Variants in NFATC1 observed in about 807,000 individuals in gnomAD.
The protein encoded by NFATC1 is nuclear factor of activated T-cells, cytoplasmic 1.
NFATC1 carries 22 observed loss-of-function variants against 76.0 expected under a neutral mutation model. The observed-to-expected ratio is 0.29, with a 90% CI of 0.21 to 0.41. The LOEUF is 0.41. Among genes scored for constraint, NFATC1 ranks in the 10% least tolerant of loss-of-function variants. The pLI, the probability that NFATC1 is intolerant of heterozygous loss-of-function variation, is 1.00. For synonymous variants in NFATC1, 704 were observed against 613.1 expected (o/e 1.15, Z -2.19); for missense variants, 1,357 against 1,337.7 (o/e 1.01, Z -0.23).
intron 2 of NFATC1, among the ~76,000 whole-genome samples, chr18:79,430,256 C>G (rs986025986): frequency 1.3e-5 from 2 of 152,202 alleles, no homozygotes; most frequent in Admixed American, 1.3e-4. Context: ...TTTAACCAGA[C>G]CAGCGGTGGG....
chr18:79,411,931 G>C (rs1321993037), intron 2 of NFATC1, among the ~76,000 whole-genome samples: 1 of 152,176 alleles, frequency 6.6e-6, no homozygotes, highest in Non-Finnish European at 1.5e-5. Context: ...CACGTGCCTG[G>C]CCCCCCTCGG....
rs2085676261 is a variant in NFATC1 at position 79,411,433 on chromosome 18, C to T, written c.1158C>T (p.Tyr386=). The T allele has an allele frequency of 2.0e-6, 3 of 1,531,018 alleles. No individual in the cohort carries two copies. Among genetic ancestry groups the T allele is most frequent in the Non-Finnish European group, 2.6e-6 (3 of 1,142,606 alleles). The allele number at this position is 1,531,018 out of a possible 1,614,324, so 94.8% of individuals were successfully genotyped here. A position where few individuals can be genotyped will look rare whatever the true frequency, so the allele number is the denominator to read the frequency against. ...GGAAGGGCGGCTTCTGCGACCAGTA[C>T]CTGGCGGTGCCGCAGCACCCCTACC... The part of the protein sequence containing the change: ...HIRKGGFCDQ[Y]LAVPQHPYQW... The change falls in exon 2 of 10, where the codon TAC becomes TAT. Residue 386 remains tyrosine, a synonymous_variant. Transcript: ENST00000427363.
At chr18:79,501,130 T>C (rs1442230013) in intron 9 of NFATC1, among the ~76,000 whole-genome samples, 5 of 152,188 alleles carry the variant, frequency 3.3e-5, no homozygotes, top group African/African-American at 9.7e-5. Context: ...TTTTACACCA[T>C]GACCAAGTGG....
chr18:79,491,838 G>GC (rs2089688730), intron 9 of NFATC1, among the ~76,000 whole-genome samples: 1 of 152,088 alleles, frequency 6.6e-6, no homozygotes, highest in Non-Finnish European at 1.5e-5. Flanking sequence ...CTCAGCCCCG[G>GC]CCCCTGGGCA....
Position 79,486,353 on chromosome 18 carries a change from A to G in NFATC1, c.2198A>G (p.Gln733Arg). ...CTCCCAAGACCATACTACAGCCAGC[A>G]GCTCGCGATGCCACCCGACCCCAGC... is the stretch of plus-strand genomic sequence containing the variant. ...SPLPRPYYSQ[Q>R]LAMPPDPSSC... Residue 733 changes from glutamine to arginine, a missense_variant, in exon 9 of 10, where the codon CAG becomes CGG. Gln to Arg is a conservative substitution (Grantham distance 43). Around this residue, in one of 3 missense-constraint regions of NFATC1, gnomAD observed 424 missense variants for 395.4 expected, o/e 1.07. Transcript: ENST00000427363. The G allele has an allele frequency of 6.2e-7, 1 of 1,613,126 alleles. No individual in the cohort carries two copies.
In NFATC1 at chr18:79,427,393, T is replaced by G. The variant is rs7506907; in HGVS notation, c.1227-6186T>G. 7.1e-3 allele frequency among the ~76,000 whole-genome samples: 492 copies of G among 69,176 alleles called. 13 individuals carry two copies. Among genetic ancestry groups the G allele is most frequent in the Middle Eastern group, 0.014 (2 of 146 alleles). The allele number at this position is 69,176 out of a possible 152,430, so 45.4% of individuals were successfully genotyped here. On this transcript the variant is annotated intron_variant, in intron 2 of 9. Transcript: ENST00000427363. ...TACGGCTGGCCTCTGTGCAGTGGGT[T>G]GGGGGGAGCTGGATGGCTGGCCTCT...
intron 8 of NFATC1, among the ~76,000 whole-genome samples, chr18:79,472,447 T>C (rs1230643141): frequency 6.6e-6 from 1 of 152,170 alleles, no homozygotes; most frequent in Non-Finnish European, 1.5e-5. Flanking sequence ...TTCCCAGGGG[T>C]TTCCCATTCT....
At chr18:79,437,639 C>T (rs543254376) in intron 3 of NFATC1, among the ~76,000 whole-genome samples, 1 of 152,366 alleles carries the variant, frequency 6.6e-6, no homozygotes, top group East Asian at 1.9e-4. Context: ...TCCCAGCTCA[C>T]ACTGAGTGTC....
intron 2 of NFATC1, among the ~76,000 whole-genome samples, chr18:79,420,087 G>A (rs568984614): frequency 2.6e-5 from 4 of 152,362 alleles, no homozygotes; most frequent in South Asian, 4.1e-4. Flanking sequence ...GGTTTCCCAT[G>A]TGAGACCATG....
chr18:79,421,303 A>T (rs1049051113), intron 2 of NFATC1: 5 of 152,334 alleles, frequency 3.3e-5, no homozygotes, highest in Admixed American at 2.0e-4. Context: ...CCCTGACACC[A>T]AGATGACATG....
At chr18:79,495,678 A>C (rs1318428519) in intron 9 of NFATC1, among the ~76,000 whole-genome samples, 2 of 152,290 alleles carry the variant, frequency 1.3e-5, no homozygotes, top group African/African-American at 4.8e-5. Flanking sequence ...CCTGATGTTC[A>C]GCCGCGACTG....
chr18:79,416,952 G>A (rs183094298), intron 2 of NFATC1, among the ~76,000 whole-genome samples: 57 of 152,314 alleles, frequency 3.7e-4, no homozygotes, highest in African/African-American at 1.2e-3. Context: ...TACTGGGCTG[G>A]GCTGGCTCTG....
intron 7 of NFATC1, among the ~76,000 whole-genome samples, chr18:79,466,509 G>C (rs1207939086): frequency 1.3e-5 from 2 of 152,130 alleles, no homozygotes; most frequent in Non-Finnish European, 2.9e-5. Flanking sequence ...CCCCCACCCA[G>C]CCCCGACCTC....
intron 1 of NFATC1, among the ~76,000 whole-genome samples, chr18:79,408,023 G>C (rs1450498815): frequency 6.6e-6 from 1 of 152,176 alleles, no homozygotes; most frequent in Non-Finnish European, 1.5e-5. Flanking sequence ...TGCCCCCTGA[G>C]TGTCTGGAAT....
rs533736358 is a variant in NFATC1, at chr18:79,443,716, G to A, written c.1387-5066G>A. ...ATCCTTCTGCCGACGGCATCTGTGG[G>A]AGGGCAGGTACGATCGATCCTGGTC... On this transcript the variant is annotated intron_variant, in intron 3 of 9. Transcript: ENST00000427363. 5.3e-5 allele frequency among the ~76,000 whole-genome samples: 8 copies of A among 152,354 alleles called. No homozygotes were observed. The South Asian group carries it at 1.7e-3, about 32-fold the overall frequency.
Position 79,400,161 on chromosome 18 carries a change from C to G in NFATC1, c.127+3810C>G, listed in dbSNP as rs1268777232. On this transcript the variant is annotated intron_variant, in intron 1 of 9. Transcript: ENST00000427363. ...CGAGGGGGCGGGGGCGGGGGGGACA[C>G]GAGTTTATTTAAAAACTCGTGTCCG... is the stretch of plus-strand genomic sequence containing the variant. 4 of 1,074,228 alleles carry G rather than the reference C, an allele frequency of 3.7e-6. No individual in the cohort carries two copies. The South Asian group carries it at 1.7e-4, about 45-fold the overall frequency. The allele number at this position is 1,074,228 out of a possible 1,614,324, so 66.5% of individuals were successfully genotyped here. A position where few individuals can be genotyped will look rare whatever the true frequency, so the allele number is the denominator to read the frequency against.
chr18:79,463,136 G>C (rs1032635931), intron 7 of NFATC1, among the ~76,000 whole-genome samples: 13 of 152,240 alleles, frequency 8.5e-5, no homozygotes, highest in African/African-American at 1.9e-4. Context: ...GATGGAAAAG[G>C]TTCCTCCCTG....
At chr18:79,508,145 A>T (rs1211781406) in intron 9 of NFATC1, among the ~76,000 whole-genome samples, 2 of 151,804 alleles carry the variant, frequency 1.3e-5, no homozygotes. Flanking sequence ...TGGATTTCAG[A>T]TTGTTTTCTG....
At chr18:79,430,811 G>C (rs537900943) in intron 2 of NFATC1, among the ~76,000 whole-genome samples, 1 of 152,168 alleles carries the variant, frequency 6.6e-6, no homozygotes, top group Non-Finnish European at 1.5e-5. Context: ...GAGCAGGTGT[G>C]GCCACTGCAG....
Sources: gnomAD v4.1 joint callset for allele counts (sites outside exome capture counted in the v4.1 genomes callset) on GRCh38, gnomAD v4.1.1 for gene constraint, gnomAD v4.1.1 regional missense constraint, MANE v1.5 for transcripts, NCBI Gene and HGNC (gene_info 2026-07-23, HGNC 2026-07-21) for gene names.